GRM3: variants seen among roughly 807,000 people sequenced by gnomAD.
The protein encoded by GRM3 is metabotropic glutamate receptor 3.
A neutral mutation model predicts 70.5 loss-of-function variants in GRM3; 26 were observed. That is an observed-to-expected ratio of 0.37 (90% CI 0.27 to 0.51). The LOEUF (loss-of-function observed/expected upper bound fraction) is 0.51, where lower values mean the gene tolerates loss of function less well. GRM3 is among the 20% of genes least tolerant of loss of function. The pLI is 0.93. For missense variants in GRM3, 859 were observed against 1,123.8 expected, an observed-to-expected ratio of 0.76 and a Z score of 3.37; for synonymous variants, 443 against 434.9, an observed-to-expected ratio of 1.02 and a Z score of -0.23.
intron 5 of GRM3, among the ~76,000 whole-genome samples, chr7:86,859,948 G>A (rs1038988281): frequency 1.3e-5 from 2 of 152,178 alleles, no homozygotes; most frequent in Non-Finnish European, 2.9e-5. Context: ...TTTGATGGCT[G>A]TGAATTACCC....
At chr7:86,818,480 T>A (rs1311675882) in intron 3 of GRM3, among the ~76,000 whole-genome samples, 2 of 152,064 alleles carry the variant, frequency 1.3e-5, no homozygotes, top group East Asian at 3.9e-4. Flanking sequence ...TGGCTCCACC[T>A]TTTCTATGCT....
chr7:86,658,552 A>G (rs1291663324), intron 1 of GRM3, among the ~76,000 whole-genome samples: 1 of 152,020 alleles, frequency 6.6e-6, no homozygotes, highest in Non-Finnish European at 1.5e-5. Context: ...TTCCTTCATC[A>G]CACTTTATTA....
chr7:86,724,265 A>G (rs1395599456), intron 1 of GRM3, among the ~76,000 whole-genome samples: 1 of 152,142 alleles, frequency 6.6e-6, no homozygotes, highest in African/African-American at 2.4e-5. Flanking sequence ...TACAAACACG[A>G]CATCTATAAA....
chr7:86,770,024 A>G (rs1220021609), intron 2 of GRM3, among the ~76,000 whole-genome samples: 2 of 152,128 alleles, frequency 1.3e-5, no homozygotes, highest in African/African-American at 4.8e-5. Context: ...CTGTTAGGTG[A>G]TTGTCTACAT....
intron 1 of GRM3, among the ~76,000 whole-genome samples, chr7:86,715,609 A>G (rs773490424): frequency 5.7e-4 from 86 of 152,086 alleles, no homozygotes; most frequent in Middle Eastern, 6.8e-3. Flanking sequence ...ACACAAATAG[A>G]TGTTTAATAA....
intron 1 of GRM3, among the ~76,000 whole-genome samples, chr7:86,685,075 A>G (rs1026569310): frequency 3.9e-5 from 6 of 152,164 alleles, no homozygotes; most frequent in South Asian, 2.1e-4. Context: ...GCTAGGTTCA[A>G]TTTCTCATTA....
chr7:86,785,783 CTCTT>C (rs1584242374), intron 2 of GRM3, among the ~76,000 whole-genome samples: 1 of 126,086 alleles, frequency 7.9e-6, no homozygotes, highest in African/African-American at 2.9e-5. Flanking sequence ...CCAAATTAAA[CTCTT>C]TCAGAGACTG....
chr7:86,844,585 C>T (rs1414907602), intron 4 of GRM3, among the ~76,000 whole-genome samples: 1 of 152,130 alleles, frequency 6.6e-6, no homozygotes, highest in African/African-American at 2.4e-5. Flanking sequence ...GCTGTAAAGA[C>T]TCTATTACTA....
chr7:86,679,278 GTT>G (rs1794385797), intron 1 of GRM3, among the ~76,000 whole-genome samples: 1 of 151,992 alleles, frequency 6.6e-6, no homozygotes, highest in Non-Finnish European at 1.5e-5. Context: ...ATTTTGATAA[GTT>G]ATGCGATAAA....
chr7:86,663,619 T>G (rs1089588), intron 1 of GRM3, among the ~76,000 whole-genome samples: 59,283 of 151,402 alleles, frequency 0.39, 13,347 homozygotes, highest in African/African-American at 0.63. Flanking sequence ...ATGTCTTTTT[T>G]TTGTTGTTGT....
At chr7:86,713,130 C>A (rs11980982) in intron 1 of GRM3, among the ~76,000 whole-genome samples, 138 of 152,088 alleles carry the variant, frequency 9.1e-4, no homozygotes, top group African/African-American at 3.2e-3. Context: ...ATAGCCTCAT[C>A]AGCATCTATT....
At chr7:86,760,208 G>A (rs958459310) in intron 1 of GRM3, among the ~76,000 whole-genome samples, 3 of 152,132 alleles carry the variant, frequency 2.0e-5, no homozygotes, top group African/African-American at 7.2e-5. Context: ...GACTGAAAGT[G>A]CATTTCATTT....
chr7:86,837,501 C>T (rs1353903666), intron 3 of GRM3, among the ~76,000 whole-genome samples: 1 of 152,206 alleles, frequency 6.6e-6, no homozygotes, highest in Non-Finnish European at 1.5e-5. Flanking sequence ...TAGCTGAGCA[C>T]ATTAGCTAAG....
chr7:86,654,048 C>G (rs774925214), intron 1 of GRM3, among the ~76,000 whole-genome samples: 1 of 152,162 alleles, frequency 6.6e-6, no homozygotes, highest in African/African-American at 2.4e-5. Flanking sequence ...ATTCTTCACT[C>G]AGCGTCCACT....
At chr7:86,671,140 C>G (rs1335993881) in intron 1 of GRM3, among the ~76,000 whole-genome samples, 4 of 152,220 alleles carry the variant, frequency 2.6e-5, no homozygotes, top group Non-Finnish European at 5.9e-5. Context: ...AAGTGACTCT[C>G]TTGCCTCAGC....
intron 1 of GRM3, among the ~76,000 whole-genome samples, chr7:86,658,555 CT>C (rs529918425): frequency 1.5e-4 from 23 of 152,132 alleles, no homozygotes; most frequent in Non-Finnish European, 2.9e-4. Flanking sequence ...CTTCATCACA[CT>C]TTATTATAAT....
rs549440795 is a variant in GRM3 at position 86,667,579 on chromosome 7, A to G, written c.-141+22707A>G. On this transcript the variant is annotated intron_variant, in intron 1 of 5. Transcript: ENST00000361669. Reference sequence around the variant, plus strand: ...TGGGAAGAATGGGGGTTCACACTGCATTATTTTGCTCTCAAGATATTCCCT... The same window carrying G: ...TGGGAAGAATGGGGGTTCACACTGCGTTATTTTGCTCTCAAGATATTCCCT... Among the ~76,000 whole-genome samples, 3 of 152,218 alleles carry G rather than the reference A, an allele frequency of 2.0e-5. No individual in the cohort carries two copies. The South Asian group carries it at 6.2e-4, about 32-fold the overall frequency.
intron 5 of GRM3, among the ~76,000 whole-genome samples, chr7:86,859,607 A>G (rs1798916608): frequency 6.6e-6 from 1 of 152,212 alleles, no homozygotes; most frequent in Non-Finnish European, 1.5e-5. Flanking sequence ...GAACAGATGG[A>G]GCAAACTGGA....
At chr7:86,683,637 A>G (rs924928716) in intron 1 of GRM3, among the ~76,000 whole-genome samples, 4 of 152,152 alleles carry the variant, frequency 2.6e-5, no homozygotes, top group African/African-American at 9.7e-5. Flanking sequence ...ACCAAGGGAA[A>G]TGAGATCTTG....
Sources: allele counts gnomAD v4.1 joint callset (sites outside exome capture counted in the v4.1 genomes callset), GRCh38; gene constraint gnomAD v4.1.1; transcripts MANE v1.5; gene names NCBI Gene and HGNC (gene_info 2026-07-23, HGNC 2026-07-21).